Variants in ACSF3 observed in about 807,000 individuals in gnomAD.
The protein encoded by ACSF3 is acyl-CoA synthetase family member 3, also known as malonate--CoA ligase ACSF3, mitochondrial.
A neutral mutation model predicts 53.2 loss-of-function variants in ACSF3; 78 were observed. The ratio of observed to expected loss-of-function variants is 1.47; its 90% CI spans 1.22 to 1.77. The LOEUF is 1.77. ACSF3 is among the 40% of genes most tolerant of loss of function. The pLI, the probability that ACSF3 is intolerant of heterozygous loss-of-function variation, is 0.00. For missense variants in ACSF3, 937 were observed against 771.1 expected (o/e 1.22, Z -2.55); for synonymous variants, 414 against 333.1 (o/e 1.24, Z -2.65).
intron 8 of ACSF3, among the ~76,000 whole-genome samples, chr16:89,137,078 G>GAGC (rs370360436): frequency 6.6e-6 from 1 of 152,136 alleles, no homozygotes; most frequent in East Asian, 1.9e-4. Context: ...GCAGATGCGG[G>GAGC]AGCAGCAGCA....
Position 89,156,165 on chromosome 16 carries a change from G to A in ACSF3, c.*1958G>A, listed in dbSNP as rs1421100356. 6.6e-6 allele frequency among the ~76,000 whole-genome samples: 1 copy of A among 152,108 alleles called. No homozygotes were observed. The highest frequency in any genetic ancestry group is 6.5e-5 in the Admixed American group (1 of 15,276). ...CTGGTTCCCCTCTGCTCCACCAGCC[G>A]AGAACAAGCCCGTCCTGGAGGGAAC... On this transcript the variant is annotated 3_prime_UTR_variant, in exon 11 of 11. Transcript: ENST00000614302.
chr16:89,119,074 A>C (rs1300841333), intron 6 of ACSF3, among the ~76,000 whole-genome samples: 1 of 150,878 alleles, frequency 6.6e-6, no homozygotes, highest in African/African-American at 2.4e-5. Context: ...TGGCACCTGG[A>C]GTGTGGGGGC....
chr16:89,141,317 T>C, intron 8 of ACSF3: 1 of 1,284,368 alleles, frequency 7.8e-7, no homozygotes, highest in Middle Eastern at 3.3e-4. Flanking sequence ...GGCAGGGAGA[T>C]GTCGACCCTC....
chr16:89,136,849 C>T, intron 8 of ACSF3: 1 of 1,281,404 alleles, frequency 7.8e-7, no homozygotes, highest in Non-Finnish European at 1.0e-6. Flanking sequence ...CTGACGGCCA[C>T]AACGATGTCT....
At chr16:89,141,182 C>G in intron 8 of ACSF3, 1 of 1,287,248 alleles carries the variant, frequency 7.8e-7, no homozygotes, top group Non-Finnish European at 1.0e-6. Flanking sequence ...TGTTTAAACC[C>G]TGGCTCCGAT....
intron 8 of ACSF3, among the ~76,000 whole-genome samples, chr16:89,139,478 G>T (rs146896429): frequency 3.3e-5 from 5 of 152,006 alleles, no homozygotes; most frequent in Admixed American, 3.3e-4. Context: ...GTTTGGCTGC[G>T]TATAGGGTTC....
rs1379757033 is a variant in ACSF3, at chr16:89,093,857, G to A, written c.-333G>A. The A allele has an allele frequency of 3.7e-6, 1 of 271,086 alleles. No homozygotes were observed. The highest frequency in any genetic ancestry group is 7.8e-6 in the Non-Finnish European group (1 of 127,770). 16.8% of individuals were successfully genotyped at this position (271,086 alleles called of 1,614,324 possible). ...CGCGCCGCGCCGGGGAAGCTGTTGG[G>A]CGCCGGAACTGGTCCGGCCCGACTC... On this transcript the variant is annotated 5_prime_UTR_variant, in exon 1 of 11. Transcript: ENST00000614302.
chr16:89,099,853 G>GA (rs1236681301), intron 2 of ACSF3, among the ~76,000 whole-genome samples: 1 of 150,070 alleles, frequency 6.7e-6, no homozygotes, highest in Non-Finnish European at 1.5e-5. Context: ...AGAGAGAAAG[G>GA]AAAAAAAGGT....
In ACSF3 at chr16:89,142,714, G is replaced by C. The variant is rs1912071559; in HGVS notation, c.1367-2553G>C. ...CTGCAGAGATACAGGCACACCTGCAGAGACACAGCCACACCTATAGACACA... is the reference window on the plus strand; with the variant it reads ...CTGCAGAGATACAGGCACACCTGCACAGACACAGCCACACCTATAGACACA... On this transcript the variant is annotated intron_variant, in intron 8 of 10. Transcript: ENST00000614302. 2.0e-5 allele frequency among the ~76,000 whole-genome samples: 3 copies of C among 148,512 alleles called. No individual in the cohort carries two copies. The South Asian group carries it at 6.4e-4, about 32-fold the overall frequency.
chr16:89,135,558 A>G (rs557644436), intron 8 of ACSF3, among the ~76,000 whole-genome samples: 6 of 152,348 alleles, frequency 3.9e-5, no homozygotes, highest in African/African-American at 1.4e-4. Context: ...CCTCTCTGTG[A>G]CAGGACGTGG....
rs568846394 is a variant in ACSF3 at position 89,155,674 on chromosome 16, G to T, written c.*1467G>T. Reference sequence around the variant, plus strand: ...GTCAGAGACTACAGTCCAGACGTTTGTGTCTAGGCCTTGCTGGTAGCTAAG... The same window carrying T: ...GTCAGAGACTACAGTCCAGACGTTTTTGTCTAGGCCTTGCTGGTAGCTAAG... On this transcript the variant is annotated 3_prime_UTR_variant, in exon 11 of 11. Transcript: ENST00000614302. 2.2e-5 allele frequency: 10 copies of T among 454,150 alleles called. No individual in the cohort carries two copies. Among genetic ancestry groups the T allele is most frequent in the South Asian group, 1.6e-4 (10 of 64,484 alleles). The allele number at this position is 454,150 out of a possible 1,614,324, so 28.1% of individuals were successfully genotyped here.
At chr16:89,142,100 A>G (rs1197650945) in intron 8 of ACSF3, among the ~76,000 whole-genome samples, 4 of 152,020 alleles carry the variant, frequency 2.6e-5, no homozygotes, top group Non-Finnish European at 4.4e-5. Context: ...TTCCCTCCGC[A>G]TGGCTCAGTG....
intron 7 of ACSF3, among the ~76,000 whole-genome samples, chr16:89,121,627 A>G (rs1355474216): frequency 6.6e-6 from 1 of 152,212 alleles, no homozygotes; most frequent in Admixed American, 6.5e-5. Context: ...CACACCTGAT[A>G]CCACACATGA....
At chr16:89,145,477 C>T in intron 9 of ACSF3, 76 bp downstream of exon 9, 2 of 1,564,808 alleles carry the variant, frequency 1.3e-6, no homozygotes, top group Admixed American at 1.7e-5. Flanking sequence ...TAGACGACTG[C>T]AGATGAGTCG....
At chr16:89,145,518 G>A (rs1004288820) in intron 9 of ACSF3, 117 bp downstream of exon 9, 11 of 1,283,916 alleles carry the variant, frequency 8.6e-6, no homozygotes, top group Non-Finnish European at 1.2e-5. Context: ...AGGGGTCCCT[G>A]TGATGCTCAC....
intron 4 of ACSF3, among the ~76,000 whole-genome samples, chr16:89,103,629 G>C (rs1555562355): frequency 6.6e-6 from 1 of 152,214 alleles, no homozygotes; most frequent in Non-Finnish European, 1.5e-5. Context: ...TAGGGCGTAG[G>C]GCGTGACCCT....
chr16:89,131,603 A>G (rs1909337912), intron 7 of ACSF3, among the ~76,000 whole-genome samples: 1 of 152,132 alleles, frequency 6.6e-6, no homozygotes, highest in Non-Finnish European at 1.5e-5. Context: ...TTCTGTGAAG[A>G]TGTTGAGGTG....
intron 8 of ACSF3, among the ~76,000 whole-genome samples, chr16:89,133,894 G>A (rs1156762345): frequency 6.6e-6 from 1 of 152,176 alleles, no homozygotes; most frequent in African/African-American, 2.4e-5. Context: ...GAGAGACGGC[G>A]GCGCCCCTGG....
At chr16:89,118,395 A>G (rs1000939245) in intron 6 of ACSF3, among the ~76,000 whole-genome samples, 2 of 152,252 alleles carry the variant, frequency 1.3e-5, no homozygotes, top group Non-Finnish European at 2.9e-5. Context: ...TCCAAAATGC[A>G]GCCTCCTGAG....
Sources: allele counts gnomAD v4.1 joint callset (sites outside exome capture counted in the v4.1 genomes callset), GRCh38; gene constraint gnomAD v4.1.1; transcripts MANE v1.5; gene names NCBI Gene and HGNC (gene_info 2026-07-23, HGNC 2026-07-21).